DNM1: variants seen among roughly 807,000 people sequenced by gnomAD.
DNM1 encodes the protein dynamin 1, also known as dynamin-1.
A neutral mutation model predicts 104.6 loss-of-function variants in DNM1; 29 were observed. The ratio of observed to expected loss-of-function variants is 0.28; its 90% CI spans 0.21 to 0.38. The LOEUF (loss-of-function observed/expected upper bound fraction) is 0.38, where lower values mean the gene tolerates loss of function less well. DNM1 is among the 10% of genes least tolerant of loss of function. The pLI is 1.00. For synonymous variants in DNM1, 445 were observed against 475.8 expected (o/e 0.94, Z 0.84); for missense variants, 640 against 1,189.4 (o/e 0.54, Z 6.79).
At chr9:128,217,591 T>G (rs886182366) in intron 1 of DNM1, among the ~76,000 whole-genome samples, 8 of 152,184 alleles carry the variant, frequency 5.3e-5, no homozygotes, top group Non-Finnish European at 1.2e-4. Flanking sequence ...AATTTTTTTG[T>G]ATTTTTAGTA....
intron 10 of DNM1, among the ~76,000 whole-genome samples, chr9:128,232,898 C>A (rs910545366): frequency 2.0e-5 from 3 of 152,254 alleles, no homozygotes; most frequent in African/African-American, 7.2e-5. Context: ...ACGCCCTCTT[C>A]CAGCACTGGC....
Position 128,218,115 on chromosome 9 carries a change from G to C in DNM1, c.162-116G>C. 1 of 938,964 alleles carries C rather than the reference G, an allele frequency of 1.1e-6. No individual in the cohort carries two copies. The highest frequency in any genetic ancestry group is 2.4e-5 in the East Asian group (1 of 41,570). The allele number at this position is 938,964 out of a possible 1,614,324, so 58.2% of individuals were successfully genotyped here. A position where few individuals can be genotyped will look rare whatever the true frequency, so the allele number is the denominator to read the frequency against. Reference sequence around the variant, plus strand: ...ACCTGAAGCCCCTGGGCTAAGGAGCGGTGGAGCCAGCACTTTGGAAGGAGC... The same window carrying C: ...ACCTGAAGCCCCTGGGCTAAGGAGCCGTGGAGCCAGCACTTTGGAAGGAGC... On this transcript the variant is annotated intron_variant, in intron 1 of 21. Coordinates refer to ENST00000372923, the MANE Select transcript of DNM1 (RefSeq NM_004408.4). The surrounding 1 kb of genome is among the most constrained non-coding windows in gnomAD (Gnocchi z 4.8).
At chr9:128,205,922 C>T (rs970491401) in intron 1 of DNM1, among the ~76,000 whole-genome samples, 3 of 152,160 alleles carry the variant, frequency 2.0e-5, no homozygotes, top group East Asian at 1.9e-4. Flanking sequence ...TGCCCTTGGC[C>T]GTTGTCCCCA....
rs1318464360 is a variant in DNM1 at position 128,220,312 on chromosome 9, A to G, written c.820A>G (p.Thr274Ala). The G allele has an allele frequency of 6.2e-7, 1 of 1,614,038 alleles. No homozygotes were observed. Among genetic ancestry groups the G allele is most frequent in the East Asian group, 2.2e-5 (1 of 44,894 alleles). The stretch of plus-strand genomic sequence containing the variant: ...TCGCCACTTGGCTGACCGTATGGGC[A>G]CGCCCTACCTGCAGAAGGTCCTCAA... The part of the protein sequence containing the change: ...SYRHLADRMG[T>A]PYLQKVLNQQ... The change falls in exon 6 of 22, where the codon ACG becomes GCG. Residue 274 changes from threonine (T) to alanine (A), a missense_variant. Coordinates refer to ENST00000372923, the MANE Select transcript of DNM1 (RefSeq NM_004408.4). This position sits in a 1 kb window ranked among gnomAD's most constrained non-coding sequence, Gnocchi z 5.2.
chr9:128,219,585 C>T (rs1280102762), intron 4 of DNM1, among the ~76,000 whole-genome samples: 1 of 152,188 alleles, frequency 6.6e-6, no homozygotes, highest in Non-Finnish European at 1.5e-5. Context: ...CAGAGAATCA[C>T]TTGAGCCCAG....
rs1172228858 is a variant in DNM1 at position 128,222,550 on chromosome 9, G to A, written c.1082G>A (p.Arg361His). 2 of 1,614,154 alleles carry A rather than the reference G, an allele frequency of 1.2e-6. No individual in the cohort carries two copies. Among genetic ancestry groups the A allele is most frequent in the Non-Finnish European group, 8.5e-7 (1 of 1,180,028 alleles). ...IDTYELSGGARINRIFHERFP... is the reference protein window; with the variant it reads ...IDTYELSGGAHINRIFHERFP... ...ACCTACGAACTGTCAGGGGGAGCCC[G>A]CATTAACCGAATCTTCCACGAGCGC... is the stretch of plus-strand genomic sequence containing the variant. Residue 361 changes from arginine to histidine, a missense_variant, in exon 8 of 22, where the codon CGC becomes CAC. Around this residue, in one of 7 missense-constraint regions of DNM1, gnomAD observed 38 missense variants for 113.5 expected, o/e 0.33. Transcript: ENST00000372923. This position sits in a 1 kb window ranked among gnomAD's most constrained non-coding sequence, Gnocchi z 7.8.
chr9:128,203,587 C>A lies in DNM1; in HGVS notation c.117C>A (p.Gly39=). ...TGCCGCAGATCGCTGTGGTGGGCGG[C>A]CAGAGCGCCGGCAAGAGCTCGGTGC... The part of the protein sequence containing the change: ...LDLPQIAVVG[G]QSAGKSSVLE... The change falls in exon 1 of 22, where the codon GGC becomes GGA. Residue 39 remains glycine, a synonymous_variant. Coordinates refer to ENST00000372923, the MANE Select transcript of DNM1 (RefSeq NM_004408.4). The surrounding 1 kb of genome is among the most constrained non-coding windows in gnomAD (Gnocchi z 5.3). 6.4e-7 allele frequency: 1 copy of A among 1,551,906 alleles called. No homozygotes were observed.
chr9:128,240,044 G>C lies in DNM1; in HGVS notation c.1557+48G>C, dbSNP rs1836268912. The C allele has an allele frequency of 2.5e-6, 4 of 1,610,820 alleles. No homozygotes were observed. The highest frequency in any genetic ancestry group is 2.5e-6 in the Non-Finnish European group (3 of 1,177,296). ...TCGGCTTGTGTAGTGAGGGGGCGGA[G>C]GGTCCATCGGCAGTGGGGATCTGCA... On this transcript the variant is annotated intron_variant, in intron 14 of 21. Coordinates refer to ENST00000372923, the MANE Select transcript of DNM1 (RefSeq NM_004408.4). This position sits in a 1 kb window ranked among gnomAD's most constrained non-coding sequence, Gnocchi z 5.1.
chr9:128,224,644 G>A lies in DNM1; in HGVS notation c.1335+255G>A, dbSNP rs922019700. 2.6e-5 allele frequency among the ~76,000 whole-genome samples: 4 copies of A among 152,094 alleles called. No homozygotes were observed. The East Asian group carries it at 7.7e-4, about 29-fold the overall frequency. On this transcript the variant is annotated intron_variant, in intron 10 of 21. Transcript: ENST00000372923. The surrounding 1 kb of genome is among the most constrained non-coding windows in gnomAD (Gnocchi z 4.3). ...TGATGGCTGGCTGTTTACCCCAAGA[G>A]CCCACCAAGAGCTCCCCCAGCTCAG... is the stretch of plus-strand genomic sequence containing the variant.
At chr9:128,239,066 T>C (rs536004453) in intron 11 of DNM1, among the ~76,000 whole-genome samples, 2 of 151,592 alleles carry the variant, frequency 1.3e-5, no homozygotes, top group African/African-American at 4.8e-5. Flanking sequence ...GGTGCAATCT[T>C]GGCTCACTGC....
In DNM1 at chr9:128,218,481, G is replaced by A; in HGVS notation, c.236-101G>A. ...AGACGTGGGTGGTGGTTCTGCTTGG[G>A]TGTGTCTAGGGGGTTCTATTACCGG... On this transcript the variant is annotated intron_variant, in intron 2 of 21. Transcript: ENST00000372923. The surrounding 1 kb of genome is among the most constrained non-coding windows in gnomAD (Gnocchi z 4.8). The A allele has an allele frequency of 6.8e-7, 1 of 1,460,254 alleles. No individual in the cohort carries two copies. The highest frequency in any genetic ancestry group is 9.5e-7 in the Non-Finnish European group (1 of 1,054,312). The allele number at this position is 1,460,254 out of a possible 1,614,324, so 90.5% of individuals were successfully genotyped here. A position where few individuals can be genotyped will look rare whatever the true frequency, so the allele number is the denominator to read the frequency against.
chr9:128,239,148 C>T (rs1306128423), intron 11 of DNM1, among the ~76,000 whole-genome samples: 1 of 152,140 alleles, frequency 6.6e-6, no homozygotes, highest in Admixed American at 6.5e-5. Flanking sequence ...CAGGCACATG[C>T]CACCATGCCT....
chr9:128,219,066 G>C lies in DNM1; in HGVS notation c.403G>C (p.Val135Leu). ...CTGTCCAGTGCTGAACCTGACCCTG[G>C]TGGACCTGCCCGGAATGACCAAGGT... ...YSPHVLNLTL[V>L]DLPGMTKVPV... The change falls in exon 4 of 22, where the codon GTG becomes CTG. Residue 135 changes from valine to leucine, a missense_variant. Coordinates refer to ENST00000372923, the MANE Select transcript of DNM1 (RefSeq NM_004408.4). The C allele has an allele frequency of 6.2e-7, 1 of 1,614,024 alleles. No individual in the cohort carries two copies. The highest frequency in any genetic ancestry group is 1.1e-5 in the South Asian group (1 of 91,080).
rs1041493930 is a variant in DNM1, at chr9:128,218,423, C to G, written c.235+119C>G. The G allele has an allele frequency of 6.9e-7, 1 of 1,444,216 alleles. No individual in the cohort carries two copies. Among genetic ancestry groups the G allele is most frequent in the African/African-American group, 1.4e-5 (1 of 71,510 alleles). 89.5% of individuals were successfully genotyped at this position (1,444,216 alleles called of 1,614,324 possible). ...CTGTGTGACTGTGGGCCTCGTTCCCCTTAGGGATAGCGGGGATCAAAATAC... is the reference window on the plus strand; with the variant it reads ...CTGTGTGACTGTGGGCCTCGTTCCCGTTAGGGATAGCGGGGATCAAAATAC... On this transcript the variant is annotated intron_variant, in intron 2 of 21. Coordinates refer to ENST00000372923, the MANE Select transcript of DNM1 (RefSeq NM_004408.4). The surrounding 1 kb of genome is among the most constrained non-coding windows in gnomAD (Gnocchi z 4.8).
chr9:128,240,091 G>T lies in DNM1; in HGVS notation c.1557+95G>T. On this transcript the variant is annotated intron_variant, in intron 14 of 21. Coordinates refer to ENST00000372923, the MANE Select transcript of DNM1 (RefSeq NM_004408.4). The surrounding 1 kb of genome is among the most constrained non-coding windows in gnomAD (Gnocchi z 5.1). ...TGCAACGGGTAGGAGGGCACCCTTT[G>T]GCTGAAGCTGCTTGTACACACCAGC... is the stretch of plus-strand genomic sequence containing the variant. The T allele has an allele frequency of 2.8e-6, 4 of 1,440,704 alleles. No homozygotes were observed. The highest frequency in any genetic ancestry group is 1.1e-5 in the South Asian group (1 of 87,500). 89.2% of individuals were successfully genotyped at this position (1,440,704 alleles called of 1,614,324 possible).
At position 128,228,002 on chromosome 9, in the gene DNM1, C is replaced by T. The variant is rs115566588; in HGVS notation, c.1335+3613C>T. Among the ~76,000 whole-genome samples, 612 of 152,180 alleles carry T rather than the reference C, an allele frequency of 4.0e-3. 5 individuals carry two copies. Among genetic ancestry groups the T allele is most frequent in the African/African-American group, 0.014 (581 of 41,504 alleles). ...TAGTGGGACTTCAAGCACTAACCAC[C>T]ACACCCCACCCAGCTAATATTTTTG... On this transcript the variant is annotated intron_variant, in intron 10 of 21. Coordinates refer to ENST00000372923, the MANE Select transcript of DNM1 (RefSeq NM_004408.4).
chr9:128,218,152 C>A lies in DNM1; in HGVS notation c.162-79C>A. On this transcript the variant is annotated intron_variant, in intron 1 of 21. Coordinates refer to ENST00000372923, the MANE Select transcript of DNM1 (RefSeq NM_004408.4). The surrounding 1 kb of genome is among the most constrained non-coding windows in gnomAD (Gnocchi z 4.8). Reference sequence around the variant, plus strand: ...ACTTTGGAAGGAGCTTTGGCTTTCCCAGGGGCCGGACAGGTACCCCTGGGA... The same window carrying A: ...ACTTTGGAAGGAGCTTTGGCTTTCCAAGGGGCCGGACAGGTACCCCTGGGA... 7.0e-7 allele frequency: 1 copy of A among 1,422,784 alleles called. No homozygotes were observed. The highest frequency in any genetic ancestry group is 9.9e-7 in the Non-Finnish European group (1 of 1,006,062). The allele number at this position is 1,422,784 out of a possible 1,614,324, so 88.1% of individuals were successfully genotyped here.
chr9:128,253,308 T>A lies in DNM1; in HGVS notation c.2535-1346T>A. The A allele has an allele frequency of 1.5e-6, 1 of 645,396 alleles. No individual in the cohort carries two copies. The highest frequency in any genetic ancestry group is 2.8e-5 in the East Asian group (1 of 35,982). The allele number at this position is 645,396 out of a possible 1,614,324, so 40.0% of individuals were successfully genotyped here. A position where few individuals can be genotyped will look rare whatever the true frequency, so the allele number is the denominator to read the frequency against. Reference sequence around the variant, plus strand: ...TCCTTGTGCCGCTGGCTCTCTCACCTCCCTTCCCTGCGAGCCTCGGGACTC... The same window carrying A: ...TCCTTGTGCCGCTGGCTCTCTCACCACCCTTCCCTGCGAGCCTCGGGACTC... On this transcript the variant is annotated intron_variant, in intron 21 of 21. Coordinates refer to ENST00000372923, the MANE Select transcript of DNM1 (RefSeq NM_004408.4). The surrounding 1 kb of genome is among the most constrained non-coding windows in gnomAD (Gnocchi z 5.9).
chr9:128,254,316 C>G lies in DNM1; in HGVS notation c.2535-338C>G, dbSNP rs1829715244. ...CCAGTGGGTTGGAAGACAGGGTGAC[C>G]AGAGAAGAGGGAAGCCCGAGGGGGC... is the stretch of plus-strand genomic sequence containing the variant. On this transcript the variant is annotated intron_variant, in intron 21 of 21. Coordinates refer to ENST00000372923, the MANE Select transcript of DNM1 (RefSeq NM_004408.4). This position sits in a 1 kb window ranked among gnomAD's most constrained non-coding sequence, Gnocchi z 6.1. The G allele has an allele frequency of 7.1e-7, 1 of 1,399,132 alleles. No individual in the cohort carries two copies. Among genetic ancestry groups the G allele is most frequent in the African/African-American group, 1.5e-5 (1 of 67,978 alleles). The allele number at this position is 1,399,132 out of a possible 1,614,324, so 86.7% of individuals were successfully genotyped here.
Sources: gnomAD v4.1 joint callset for allele counts (sites outside exome capture counted in the v4.1 genomes callset) on GRCh38, gnomAD v4.1.1 for gene constraint, gnomAD v4.1.1 regional missense constraint, Gnocchi (gnomAD v3.1) non-coding constraint, MANE v1.5 for transcripts, NCBI Gene and HGNC (gene_info 2026-07-23, HGNC 2026-07-21) for gene names.